DGKD: variants seen among roughly 807,000 people sequenced by gnomAD.
DGKD encodes the protein diacylglycerol kinase delta.
Under a neutral mutation model 154.4 loss-of-function variants are expected in DGKD, and 68 were observed. The ratio of observed to expected loss-of-function variants is 0.44; its 90% CI spans 0.36 to 0.54. DGKD has a LOEUF of 0.54. Among genes scored for constraint, DGKD ranks in the 20% least tolerant of loss-of-function variants. The probability of loss-of-function intolerance (pLI) is 0.00; values close to 1 mark genes in which losing one functional copy is unlikely to be tolerated. For synonymous variants in DGKD, 693 were observed against 638.0 expected, an observed-to-expected ratio of 1.09 and a Z score of -1.30; for missense variants, 1,343 against 1,593.6, an observed-to-expected ratio of 0.84 and a Z score of 2.68.
At chr2:233,373,891 GAAAT>G (rs1702442856) in intron 1 of DGKD, among the ~76,000 whole-genome samples, 3 of 151,966 alleles carry the variant, frequency 2.0e-5, no homozygotes, top group Non-Finnish European at 2.9e-5. Flanking sequence ...AAATGAAAAA[GAAAT>G]AACATATAGA....
intron 3 of DGKD, among the ~76,000 whole-genome samples, chr2:233,399,848 G>T (rs989575679): frequency 2.0e-5 from 3 of 152,160 alleles, no homozygotes; most frequent in Non-Finnish European, 2.9e-5. Context: ...GCTTATGGAG[G>T]TGAGAGATGG....
intron 1 of DGKD, among the ~76,000 whole-genome samples, chr2:233,371,213 G>A (rs1702304554): frequency 6.6e-6 from 1 of 151,848 alleles, no homozygotes. Flanking sequence ...GCCAACTCTT[G>A]TTACTTTCCA....
At chr2:233,390,962 A>G (rs1052340120) in intron 3 of DGKD, among the ~76,000 whole-genome samples, 1 of 152,144 alleles carries the variant, frequency 6.6e-6, no homozygotes, top group Non-Finnish European at 1.5e-5. Context: ...CGAACTCCCA[A>G]CCTCAGGTGA....
intron 1 of DGKD, among the ~76,000 whole-genome samples, chr2:233,381,320 G>A (rs1472330384): frequency 6.6e-6 from 1 of 152,260 alleles, no homozygotes; most frequent in East Asian, 1.9e-4. Context: ...GAATGAGGAT[G>A]AATCTGTGGG....
chr2:233,406,227 A>G (rs540710648), intron 3 of DGKD, among the ~76,000 whole-genome samples: 2 of 152,266 alleles, frequency 1.3e-5, no homozygotes, highest in African/African-American at 4.8e-5. Context: ...CACTCAGATA[A>G]TCCAGGATGA....
intron 3 of DGKD, among the ~76,000 whole-genome samples, chr2:233,415,663 G>A (rs1193729858): frequency 6.6e-6 from 1 of 152,166 alleles, no homozygotes; most frequent in Non-Finnish European, 1.5e-5. Context: ...TCACTCTGTC[G>A]CCCTGTCTGA....
rs1275516429 is a variant in DGKD at position 233,455,011 on chromosome 2, C to T, written c.2375+138C>T. ...CGGGGGGCAGAAATGGAGCCCAGATCGCCTTGTCAGAAGCACGGGTGCTTT... is the reference window on the plus strand; with the variant it reads ...CGGGGGGCAGAAATGGAGCCCAGATTGCCTTGTCAGAAGCACGGGTGCTTT... On this transcript the variant is annotated intron_variant, in intron 19 of 29. Coordinates refer to ENST00000264057, the MANE Select transcript of DGKD (RefSeq NM_152879.3). 10 of 585,068 alleles carry T rather than the reference C, an allele frequency of 1.7e-5. 1 individual carries two copies. The highest frequency in any genetic ancestry group is 6.4e-5 in the South Asian group (3 of 46,656). The allele number at this position is 585,068 out of a possible 1,614,324, so 36.2% of individuals were successfully genotyped here. A position where few individuals can be genotyped will look rare whatever the true frequency, so the allele number is the denominator to read the frequency against.
chr2:233,388,988 C>G (rs905937887), intron 2 of DGKD: 1 of 152,346 alleles, frequency 6.6e-6, no homozygotes, highest in African/African-American at 2.4e-5. Context: ...CTCAAATGAT[C>G]TGCCTGCCTC....
intron 3 of DGKD, among the ~76,000 whole-genome samples, chr2:233,431,003 T>G (rs2062490270): frequency 1.3e-5 from 2 of 152,046 alleles, no homozygotes; most frequent in African/African-American, 2.4e-5. Context: ...AAAAAAGAAA[T>G]AAAGGGTATC....
rs776522306 is a variant in DGKD at position 233,464,148 on chromosome 2, C to T, written c.3187-16C>T. 1.2e-6 allele frequency: 2 copies of T among 1,613,258 alleles called. No individual in the cohort carries two copies. The highest frequency in any genetic ancestry group is 1.7e-6 in the Non-Finnish European group (2 of 1,180,012). Reference sequence around the variant, plus strand: ...CACACTCTCCATTTCTCTCTCCCTCCCTCCGCCTGGAGCAGCAGCTGGATC... The same window carrying T: ...CACACTCTCCATTTCTCTCTCCCTCTCTCCGCCTGGAGCAGCAGCTGGATC... On this transcript the variant is annotated splice_polypyrimidine_tract_variant and intron_variant, in intron 26 of 29. Coordinates refer to ENST00000264057, the MANE Select transcript of DGKD (RefSeq NM_152879.3).
chr2:233,433,686 C>T (rs1438195639), intron 3 of DGKD, among the ~76,000 whole-genome samples: 1 of 151,770 alleles, frequency 6.6e-6, no homozygotes, highest in African/African-American at 2.4e-5. Flanking sequence ...CTCATATGCC[C>T]CATAAATACA....
chr2:233,468,652 C>T (rs990862952), intron 29 of DGKD, 99 bp downstream of exon 29: 58 of 1,549,534 alleles, frequency 3.7e-5, no homozygotes, highest in Non-Finnish European at 4.4e-5. Flanking sequence ...CCCAGCATCA[C>T]GATTCTTCTC....
At chr2:233,357,388 A>G (rs189511685) in intron 1 of DGKD, among the ~76,000 whole-genome samples, 1 of 152,300 alleles carries the variant, frequency 6.6e-6, no homozygotes, top group African/African-American at 2.4e-5. Flanking sequence ...ATGAAGAGAA[A>G]AACAAAAGAG....
intron 1 of DGKD, among the ~76,000 whole-genome samples, chr2:233,357,952 A>G (rs769057284): frequency 6.6e-6 from 1 of 152,244 alleles, no homozygotes; most frequent in African/African-American, 2.4e-5. Context: ...CCAAACTTCA[A>G]ATAATTCTTC....
At chr2:233,451,416 G>T (rs551028440) in intron 17 of DGKD, among the ~76,000 whole-genome samples, 1 of 152,262 alleles carries the variant, frequency 6.6e-6, no homozygotes, top group Non-Finnish European at 1.5e-5. Flanking sequence ...GTCGCAGGAG[G>T]CGCAGGGAGG....
chr2:233,442,070 T>A (rs1346376390), intron 10 of DGKD, 75 bp downstream of exon 10: 1 of 1,271,714 alleles, frequency 7.9e-7, no homozygotes, highest in South Asian at 1.2e-5. Context: ...CAGTCTCAGC[T>A]CCTGTTCATC....
intron 3 of DGKD, among the ~76,000 whole-genome samples, chr2:233,403,301 C>T (rs1431684792): frequency 1.3e-5 from 2 of 151,922 alleles, no homozygotes; most frequent in African/African-American, 2.4e-5. Flanking sequence ...GGCTCACACC[C>T]GTAATCCCAG....
At chr2:233,361,677 A>G (rs1701787894) in intron 1 of DGKD, among the ~76,000 whole-genome samples, 2 of 152,220 alleles carry the variant, frequency 1.3e-5, no homozygotes, top group Admixed American at 1.3e-4. Context: ...CACTGGCCAG[A>G]TGGCTCACGC....
At chr2:233,367,345 C>T (rs1040270657) in intron 1 of DGKD, among the ~76,000 whole-genome samples, 1 of 152,026 alleles carries the variant, frequency 6.6e-6, no homozygotes, top group Non-Finnish European at 1.5e-5. Flanking sequence ...TCTCCTGCCT[C>T]AGCTTCCCAA....
Sources: gnomAD v4.1 joint callset for allele counts (sites outside exome capture counted in the v4.1 genomes callset) on GRCh38, gnomAD v4.1.1 for gene constraint, MANE v1.5 for transcripts, NCBI Gene and HGNC (gene_info 2026-07-23, HGNC 2026-07-21) for gene names.